The following NSD1 variants were observed in gnomAD, a reference collection of about 807,000 sequenced individuals.
The protein encoded by NSD1 is histone-lysine N-methyltransferase, H3 lysine-36 specific.
NSD1 carries 26 observed loss-of-function variants against 242.7 expected under a neutral mutation model. The ratio of observed to expected loss-of-function variants is 0.11; its 90% CI spans 0.08 to 0.15. The LOEUF (loss-of-function observed/expected upper bound fraction) is 0.15. Ranked by LOEUF, NSD1 falls within the 10% of genes least tolerant of loss-of-function variation. The pLI is 1.00. For synonymous variants in NSD1, 1,106 were observed against 1,178.1 expected (o/e 0.94, Z 1.25); for missense variants, 2,495 against 3,272.8 (o/e 0.76, Z 5.80).
At chr5:177,236,652 C>G (rs965156177) in intron 6 of NSD1, among the ~76,000 whole-genome samples, 2 of 152,170 alleles carry the variant, frequency 1.3e-5, no homozygotes, top group African/African-American at 4.8e-5. Flanking sequence ...ATTGCTTCCT[C>G]ATAGGTGTCA....
rs1756079993 is a variant in NSD1 at position 177,134,087 on chromosome 5, G to C, written c.-18+135G>C. ...GGCCAGGCGCGATGCGGGGTTGGTGGCCGGCGGCGCTGCAGCCGCCGGCCT... is the reference window on the plus strand; with the variant it reads ...GGCCAGGCGCGATGCGGGGTTGGTGCCCGGCGGCGCTGCAGCCGCCGGCCT... On this transcript the variant is annotated intron_variant, in intron 1 of 22. Transcript: ENST00000439151. The surrounding 1 kb of genome is among the most constrained non-coding windows in gnomAD (Gnocchi z 4.2). The C allele has an allele frequency of 6.6e-6, 1 of 150,988 alleles. No individual in the cohort carries two copies. The highest frequency in any genetic ancestry group is 1.5e-5 in the Non-Finnish European group (1 of 67,626). 9.4% of individuals were successfully genotyped at this position (150,988 alleles called of 1,614,324 possible).
At chr5:177,177,682 G>A (rs1161052076) in intron 2 of NSD1, among the ~76,000 whole-genome samples, 1 of 151,998 alleles carries the variant, frequency 6.6e-6, no homozygotes. Flanking sequence ...GTATTAGATT[G>A]TATGTTCACA....
chr5:177,271,180 C>T (rs546314836), intron 16 of NSD1, among the ~76,000 whole-genome samples: 32 of 152,084 alleles, frequency 2.1e-4, no homozygotes, highest in Non-Finnish European at 7.4e-5. Context: ...TACCAGCAGT[C>T]GAAATACCTG....
rs1322505797 is a variant in NSD1 at position 177,297,275 on chromosome 5, C to G, written c.*1816C>G. 8.6e-6 allele frequency: 2 copies of G among 231,880 alleles called. No individual in the cohort carries two copies. The highest frequency in any genetic ancestry group is 6.1e-5 in the East Asian group (1 of 16,414). The allele number at this position is 231,880 out of a possible 1,614,324, so 14.4% of individuals were successfully genotyped here. A position where few individuals can be genotyped will look rare whatever the true frequency, so the allele number is the denominator to read the frequency against. On this transcript the variant is annotated 3_prime_UTR_variant, in exon 23 of 23. Coordinates refer to ENST00000439151, the MANE Select transcript of NSD1 (RefSeq NM_022455.5). ...CTAGTTCTCCCCTTTCATCCTCTCT[C>G]TCTTCCCACATCATCAAAGAGGAAA...
rs1481136060 is a variant in NSD1, at chr5:177,210,293, C to A, written c.1894C>A (p.Arg632=). The change falls in exon 5 of 23, where the codon CGA becomes AGA. Residue 632 remains arginine (R), a synonymous_variant. Transcript: ENST00000439151. ...TATTGGAGCAGGTGATGAGGAAAAGCGAAGTGATTCCATTAGTATCTGTAC... is the reference window on the plus strand; with the variant it reads ...TATTGGAGCAGGTGATGAGGAAAAGAGAAGTGATTCCATTAGTATCTGTAC... ...CYIGAGDEEK[R]SDSISICTTS... The A allele has an allele frequency of 6.8e-6, 11 of 1,610,094 alleles. No homozygotes were observed. In the East Asian group the frequency reaches 1.3e-4, roughly 20 times the overall value.
Position 177,211,901 on chromosome 5 carries a change from A to G in NSD1, c.3502A>G (p.Thr1168Ala), listed in dbSNP as rs766742277. 6.2e-6 allele frequency: 10 copies of G among 1,609,526 alleles called. No individual in the cohort carries two copies. Among genetic ancestry groups the G allele is most frequent in the Admixed American group, 1.7e-5 (1 of 59,152 alleles). Residue 1168 changes from threonine (T) to alanine (A), a missense_variant, in exon 5 of 23, where the codon ACT (threonine) becomes GCT (alanine). Thr to Ala is a moderately conservative substitution (Grantham distance 58). Transcript: ENST00000439151. ...GTGGCAGCGTTTAAACCAAAGGCGC[A>G]CTAAACCTCGTAAGCGCATGAACAG... is the stretch of plus-strand genomic sequence containing the variant. Reference protein sequence around the residue: ...KRWQRLNQRRTKPRKRMNRFK... With the variant: ...KRWQRLNQRRAKPRKRMNRFK...
At chr5:177,279,509 G>A (rs1262057370) in intron 17 of NSD1, among the ~76,000 whole-genome samples, 1 of 151,282 alleles carries the variant, frequency 6.6e-6, no homozygotes, top group Non-Finnish European at 1.5e-5. Context: ...AAAAAAGGAA[G>A]GAAGAATAAT....
intron 2 of NSD1, among the ~76,000 whole-genome samples, chr5:177,190,144 G>C (rs1450260714): frequency 6.6e-6 from 1 of 152,032 alleles, no homozygotes; most frequent in Non-Finnish European, 1.5e-5. Flanking sequence ...TTTTTGTAGA[G>C]ACTGGGTCTG....
chr5:177,140,658 G>C (rs531941908), intron 2 of NSD1, among the ~76,000 whole-genome samples: 2 of 152,012 alleles, frequency 1.3e-5, no homozygotes, highest in East Asian at 3.9e-4. Flanking sequence ...TCCAACCTAG[G>C]CAATATAATG....
chr5:177,287,635 C>G (rs542703301), intron 20 of NSD1, among the ~76,000 whole-genome samples: 17 of 151,140 alleles, frequency 1.1e-4, no homozygotes, highest in Non-Finnish European at 2.1e-4. Flanking sequence ...GACTCCGTCT[C>G]AAAGAAAGAA....
At chr5:177,267,136 G>T (rs1252668816) in intron 14 of NSD1, among the ~76,000 whole-genome samples, 1 of 152,170 alleles carries the variant, frequency 6.6e-6, no homozygotes, top group Non-Finnish European at 1.5e-5. Context: ...GGGATTACAG[G>T]CCTGAGGCAC....
At chr5:177,180,060 C>T (rs1760531504) in intron 2 of NSD1, among the ~76,000 whole-genome samples, 1 of 151,570 alleles carries the variant, frequency 6.6e-6, no homozygotes, top group Non-Finnish European at 1.5e-5. Context: ...GCCAACACGC[C>T]TGGCTAATTT....
chr5:177,246,574 G>GA, intron 9 of NSD1, 104 bp from the exon 10 acceptor site: 1 of 801,412 alleles, frequency 1.2e-6, no homozygotes, highest in Non-Finnish European at 2.2e-6. Flanking sequence ...CAAAGCTGGA[G>GA]AATTAAATGA....
chr5:177,279,844 C>A (rs1268593828), intron 17 of NSD1, among the ~76,000 whole-genome samples: 2 of 150,714 alleles, frequency 1.3e-5, no homozygotes, highest in Non-Finnish European at 3.0e-5. Context: ...GTCTTGATTT[C>A]CTGACCTCGT....
intron 2 of NSD1, among the ~76,000 whole-genome samples, chr5:177,158,293 C>CTTTTCTTTTCTTTCTTTTCTTTCT (rs59738936): frequency 1.3e-5 from 1 of 77,674 alleles, no homozygotes; most frequent in African/African-American, 4.7e-5. Flanking sequence ...TTCTTTCTTT[C>CTTTTCTTTTCTTTCTTTTCTTTCT]TTTCTTTCTT....
At chr5:177,145,882 T>C (rs1757199270) in intron 2 of NSD1, among the ~76,000 whole-genome samples, 1 of 135,136 alleles carries the variant, frequency 7.4e-6, no homozygotes, top group African/African-American at 2.9e-5. Flanking sequence ...CACTCCAGCC[T>C]GGGCTAGAAG....
chr5:177,284,002 A>G (rs926080862), intron 20 of NSD1, 74 bp downstream of exon 20: 2 of 1,546,974 alleles, frequency 1.3e-6, no homozygotes, highest in Non-Finnish European at 1.8e-6. Flanking sequence ...CAGCTTCCTC[A>G]GATTATAATT....
chr5:177,281,180 T>TA (rs1345433180), intron 18 of NSD1, among the ~76,000 whole-genome samples: 1 of 152,126 alleles, frequency 6.6e-6, no homozygotes, highest in Admixed American at 6.5e-5. Flanking sequence ...CACCTACTAA[T>TA]AAAACATTTT....
At chr5:177,153,345 T>C (rs1757879606) in intron 2 of NSD1, among the ~76,000 whole-genome samples, 1 of 152,128 alleles carries the variant, frequency 6.6e-6, no homozygotes, top group South Asian at 2.1e-4. Context: ...TTCTAAATAG[T>C]ATATGAATTT....
Sources: gnomAD v4.1 joint callset for allele counts (sites outside exome capture counted in the v4.1 genomes callset) on GRCh38, gnomAD v4.1.1 for gene constraint, Gnocchi (gnomAD v3.1) non-coding constraint, MANE v1.5 for transcripts, NCBI Gene and HGNC (gene_info 2026-07-23, HGNC 2026-07-21) for gene names.